The following SCAPER variants were observed in gnomAD, a reference collection of about 807,000 sequenced individuals.
SCAPER encodes the protein S-phase cyclin A associated protein in the ER, also known as S phase cyclin A-associated protein in the endoplasmic reticulum.
SCAPER carries 98 observed loss-of-function variants against 182.2 expected under a neutral mutation model. The observed-to-expected ratio is 0.54, with a 90% confidence interval of 0.46 to 0.64. The LOEUF (loss-of-function observed/expected upper bound fraction) is 0.64, where lower values mean the gene tolerates loss of function less well. Ranked by LOEUF, SCAPER falls within the 30% of genes least tolerant of loss-of-function variation. SCAPER has a pLI of 0.00. For synonymous variants in SCAPER, 605 were observed against 564.6 expected (o/e 1.07, Z -1.01); for missense variants, 1,432 against 1,690.0 (o/e 0.85, Z 2.68).
intron 24 of SCAPER, among the ~76,000 whole-genome samples, chr15:76,495,714 G>A (rs2040436956): frequency 6.6e-6 from 1 of 151,882 alleles, no homozygotes; most frequent in African/African-American, 2.4e-5. Context: ...GTTTTCCAGA[G>A]AGGAACAAAA....
chr15:76,527,156 G>A (rs950750790), intron 23 of SCAPER, among the ~76,000 whole-genome samples: 8 of 152,118 alleles, frequency 5.3e-5, no homozygotes, highest in Admixed American at 2.6e-4. Context: ...GATTACAGGC[G>A]CGAGCCATCA....
intron 24 of SCAPER, among the ~76,000 whole-genome samples, chr15:76,492,661 T>C: frequency 6.6e-6 from 1 of 152,160 alleles, no homozygotes; most frequent in East Asian, 1.9e-4. Flanking sequence ...TTAGTGCAAT[T>C]AGATGAATAA....
rs1021872650 is a variant in SCAPER at position 76,635,523 on chromosome 15, T to C, written c.2646-13694A>G. ...TCATCTTAAAATAGAAATAGTTTCA[T>C]ATCTTCCTTGCCAATTTGGATACTT... On this transcript the variant is annotated intron_variant, in intron 21 of 31. Transcript: ENST00000563290. Among the ~76,000 whole-genome samples, 28 of 151,984 alleles carry C rather than the reference T, an allele frequency of 1.8e-4. 1 individual carries two copies. Among genetic ancestry groups the C allele is most frequent in the Non-Finnish European group, 5.9e-5 (4 of 67,976 alleles).
chr15:76,854,765 C>T (rs1032634208), intron 4 of SCAPER, among the ~76,000 whole-genome samples: 2 of 146,326 alleles, frequency 1.4e-5, no homozygotes, highest in Non-Finnish European at 3.0e-5. Flanking sequence ...CAAGACTGTC[C>T]TGGCTAACAT....
intron 23 of SCAPER, among the ~76,000 whole-genome samples, chr15:76,508,731 G>A (rs1178182551): frequency 6.6e-6 from 1 of 152,032 alleles, no homozygotes; most frequent in African/African-American, 2.4e-5. Flanking sequence ...AGGGTGAAAG[G>A]CTCAGATCTT....
At position 76,883,896 on chromosome 15, in the gene SCAPER, T is replaced by C. The variant is rs760377878; in HGVS notation, c.-59-20A>G. The C allele has an allele frequency of 1.9e-6, 2 of 1,042,724 alleles. No homozygotes were observed. The highest frequency in any genetic ancestry group is 1.6e-5 in the South Asian group (1 of 61,974). 64.6% of individuals were successfully genotyped at this position (1,042,724 alleles called of 1,614,324 possible). ...TGACTCCTACAATAAAAAATATATA[T>C]ACGCTTAGTTATAACATTACCAGAA... is the stretch of plus-strand genomic sequence containing the variant. On this transcript the variant is annotated intron_variant, in intron 1 of 31. Transcript: ENST00000563290.
chr15:76,753,339 G>C (rs541396919), intron 15 of SCAPER, among the ~76,000 whole-genome samples: 1 of 151,924 alleles, frequency 6.6e-6, no homozygotes, highest in South Asian at 2.1e-4. Context: ...GAAGTTCAAA[G>C]TAACTGTTAT....
chr15:76,505,996 G>A (rs1485567951), intron 23 of SCAPER, among the ~76,000 whole-genome samples: 1 of 152,148 alleles, frequency 6.6e-6, no homozygotes, highest in East Asian at 1.9e-4. Context: ...GCCAGGTGAA[G>A]TAAGACGAAC....
At chr15:76,673,895 T>C (rs1032398458) in intron 20 of SCAPER, among the ~76,000 whole-genome samples, 2 of 151,312 alleles carry the variant, frequency 1.3e-5, no homozygotes, top group African/African-American at 4.9e-5. Flanking sequence ...ACAGGAAAAC[T>C]ACAAATCACT....
At chr15:76,840,176 G>A (rs1254600482) in intron 5 of SCAPER, among the ~76,000 whole-genome samples, 1 of 152,118 alleles carries the variant, frequency 6.6e-6, no homozygotes, top group African/African-American at 2.4e-5. Flanking sequence ...CCACCACTTT[G>A]GAATGCTGAG....
chr15:76,649,422 A>G (rs2054827602), intron 21 of SCAPER, among the ~76,000 whole-genome samples: 1 of 151,938 alleles, frequency 6.6e-6, no homozygotes, highest in Non-Finnish European at 1.5e-5. Flanking sequence ...CGAATGAGAC[A>G]ATCCCCCTGC....
intron 24 of SCAPER, among the ~76,000 whole-genome samples, chr15:76,484,715 C>G (rs924220772): frequency 3.3e-5 from 5 of 152,126 alleles, no homozygotes; most frequent in Admixed American, 3.3e-4. Context: ...CCACCACAAT[C>G]AAGTAGGCCT....
At chr15:76,400,004 C>CAA (rs11286576) in intron 27 of SCAPER, among the ~76,000 whole-genome samples, 7 of 114,722 alleles carry the variant, frequency 6.1e-5, no homozygotes, top group African/African-American at 6.2e-5. Context: ...GACTCCGTCT[C>CAA]AAAAAAAAAA....
rs2040808608 is a variant in SCAPER at position 76,354,297 on chromosome 15, G to A, written c.3856-157C>T. 4 of 521,060 alleles carry A rather than the reference G, an allele frequency of 7.7e-6. No homozygotes were observed. The East Asian group carries it at 1.4e-4, about 19-fold the overall frequency. The allele number at this position is 521,060 out of a possible 1,614,324, so 32.3% of individuals were successfully genotyped here. A position where few individuals can be genotyped will look rare whatever the true frequency, so the allele number is the denominator to read the frequency against. On this transcript the variant is annotated intron_variant, in intron 29 of 31. Transcript: ENST00000563290. The surrounding 1 kb of genome is among the most constrained non-coding windows in gnomAD (Gnocchi z 4.4). Reference sequence around the variant, plus strand: ...CCAGAGCTTAATTTAAGTGATACTTGAAAAGAGCAGAAAAAAAAAATCTCA... The same window carrying A: ...CCAGAGCTTAATTTAAGTGATACTTAAAAAGAGCAGAAAAAAAAAATCTCA...
chr15:76,438,943 TC>T (rs1567140004), intron 25 of SCAPER, among the ~76,000 whole-genome samples: 1 of 152,202 alleles, frequency 6.6e-6, no homozygotes, highest in Admixed American at 6.5e-5. Flanking sequence ...ATTCTCCTTG[TC>T]CCTTTGTATA....
chr15:76,841,217 A>G (rs1471930797), intron 5 of SCAPER, among the ~76,000 whole-genome samples: 1 of 151,964 alleles, frequency 6.6e-6, no homozygotes, highest in Non-Finnish European at 1.5e-5. Flanking sequence ...GGTAATGCCA[A>G]AAAAAATCTT....
In SCAPER at chr15:76,701,824, T is replaced by C. The variant is rs1166546570; in HGVS notation, c.2442A>G (p.Arg814=). The C allele has an allele frequency of 1.2e-6, 2 of 1,613,862 alleles. No individual in the cohort carries two copies. Among genetic ancestry groups the C allele is most frequent in the Non-Finnish European group, 1.7e-6 (2 of 1,179,826 alleles). ...EVYLFSHVKG[R]KHQQAVRENT... ...TCTCTCTCACGGCTTGCTGGTGTTT[T>C]CTCCCTTTAACATGGCTAAAAAGAT... The change falls in exon 20 of 32, where the codon AGA becomes AGG. Residue 814 remains arginine (R), a synonymous_variant. Transcript: ENST00000563290.
chr15:76,622,342 T>C (rs2052162031), intron 21 of SCAPER, among the ~76,000 whole-genome samples: 2 of 152,098 alleles, frequency 1.3e-5, no homozygotes, highest in South Asian at 4.1e-4. Flanking sequence ...AGGATCCTGT[T>C]GTCAAAGAAT....
intron 8 of SCAPER, among the ~76,000 whole-genome samples, chr15:76,788,977 CT>C (rs1361471165): frequency 6.6e-6 from 1 of 152,076 alleles, no homozygotes; most frequent in African/African-American, 2.4e-5. Flanking sequence ...TTCTGACATT[CT>C]TTTTTCAATC....
Sources: allele counts gnomAD v4.1 joint callset (sites outside exome capture counted in the v4.1 genomes callset), GRCh38; gene constraint gnomAD v4.1.1; non-coding constraint Gnocchi (gnomAD v3.1); transcripts MANE v1.5; gene names NCBI Gene and HGNC (gene_info 2026-07-23, HGNC 2026-07-21).